The following ATRN variants were observed in gnomAD, a reference collection of about 807,000 sequenced individuals.
ATRN encodes attractin-2.
A neutral mutation model predicts 178.7 loss-of-function variants in ATRN; 54 were observed. The observed-to-expected ratio is 0.30, with a 90% CI of 0.24 to 0.38. The LOEUF is 0.38. Among genes scored for constraint, ATRN ranks in the 10% least tolerant of loss-of-function variants. ATRN has a pLI of 1.00. For synonymous variants in ATRN, 636 were observed against 663.0 expected (o/e 0.96, Z 0.63); for missense variants, 1,443 against 1,815.1 (o/e 0.79, Z 3.73).
chr20:3,601,182 C>T (rs1156525987), intron 23 of ATRN, among the ~76,000 whole-genome samples, 158 bp downstream of exon 23: 1 of 152,192 alleles, frequency 6.6e-6, no homozygotes, highest in Non-Finnish European at 1.5e-5. Flanking sequence ...CTAAATCCCT[C>T]TCTAAACCTT....
chr20:3,629,034 A>G, intron 25 of ATRN: 2 of 985,172 alleles, frequency 2.0e-6, no homozygotes, highest in Non-Finnish European at 2.4e-6. Context: ...AACTGGCAAC[A>G]TGGCTCTGCT....
At chr20:3,492,875 GCACACA>G (rs376260361) in intron 1 of ATRN, among the ~76,000 whole-genome samples, 2,720 of 106,766 alleles carry the variant, frequency 0.025, 97 homozygotes, top group African/African-American at 0.091. Flanking sequence ...GCGTGCGCAC[GCACACA>G]CACACACACA....
Position 3,482,073 on chromosome 20 carries a change from A to G in ATRN, c.410+10556A>G, listed in dbSNP as rs573720377. Among the ~76,000 whole-genome samples the G allele has an allele frequency of 1.3e-4, 20 of 151,984 alleles. No individual in the cohort carries two copies. In the East Asian group the frequency reaches 3.5e-3, roughly 26 times the overall value. On this transcript the variant is annotated intron_variant, in intron 1 of 28. Transcript: ENST00000262919. ...ACTCCCGTAGGAATTAAAAAATAAT[A>G]ATCTTTTAAAAAATGTATCCTGTTT...
intron 21 of ATRN, among the ~76,000 whole-genome samples, chr20:3,597,361 A>G (rs1222481462): frequency 1.3e-5 from 2 of 152,152 alleles, no homozygotes; most frequent in East Asian, 3.9e-4. Flanking sequence ...AAGATTTGAA[A>G]AGACATTTCA....
chr20:3,475,470 T>G (rs908908811), intron 1 of ATRN, among the ~76,000 whole-genome samples: 1 of 152,218 alleles, frequency 6.6e-6, no homozygotes, highest in Non-Finnish European at 1.5e-5. Context: ...AAATGACTGA[T>G]TTTAAAGGAT....
rs1049111819 is a variant in ATRN at position 3,498,450 on chromosome 20, C to T, written c.410+26933C>T. On this transcript the variant is annotated intron_variant, in intron 1 of 28. Transcript: ENST00000262919. ...AATCCTCAATAAAATACTGGCAAAG[C>T]GAATCCAGCAGCACATCAAAAAGCT... Among the ~76,000 whole-genome samples the T allele has an allele frequency of 4.6e-5, 7 of 151,862 alleles. No individual in the cohort carries two copies. In the East Asian group the frequency reaches 5.8e-4, roughly 13 times the overall value.
chr20:3,495,681 T>C (rs2084868386), intron 1 of ATRN, among the ~76,000 whole-genome samples: 2 of 152,120 alleles, frequency 1.3e-5, no homozygotes, highest in South Asian at 4.2e-4. Flanking sequence ...AAAATATGAC[T>C]TGTTCACAGA....
At chr20:3,494,667 AAAAG>A (rs1346984640) in intron 1 of ATRN, among the ~76,000 whole-genome samples, 2 of 152,194 alleles carry the variant, frequency 1.3e-5, no homozygotes, top group Admixed American at 6.5e-5. Flanking sequence ...AAGAAAGCAT[AAAAG>A]AAGGGGATTT....
intron 19 of ATRN, 79 bp downstream of exon 19, chr20:3,591,385 G>A: frequency 2.7e-6 from 4 of 1,480,102 alleles, no homozygotes; most frequent in South Asian, 1.3e-5. Flanking sequence ...ATATCTAGGA[G>A]GAAAAAAGCC....
chr20:3,512,174 G>A (rs1325293620), intron 1 of ATRN, among the ~76,000 whole-genome samples: 8 of 145,416 alleles, frequency 5.5e-5, no homozygotes, highest in South Asian at 2.2e-4. Context: ...TGTTACATAC[G>A]TATACATGTG....
In ATRN at chr20:3,584,050, T is replaced by C. The variant is rs1261114295; in HGVS notation, c.2917T>C (p.Cys973Arg). 1 of 1,614,070 alleles carries C rather than the reference T, an allele frequency of 6.2e-7. No individual in the cohort carries two copies. Among genetic ancestry groups the C allele is most frequent in the African/African-American group, 1.3e-5 (1 of 75,016 alleles). The change falls in exon 17 of 29, where the codon TGT (cysteine) becomes CGT (arginine). Residue 973 changes from cysteine to arginine, a missense_variant. Cys to Arg is a radical substitution (Grantham distance 180). Coordinates refer to ENST00000262919, the MANE Select transcript of ATRN (RefSeq NM_139321.3). ...CGTGGCCTCCTTCCCTTTTGGCCAG[T>C]GTATGGAATGGTATACGATGAGCAC... ...AYVASFPFGQ[C>R]MEWYTMSTCP...
At chr20:3,644,314 G>A (rs770182628) in intron 28 of ATRN, 46 bp downstream of exon 28, 7 of 1,485,590 alleles carry the variant, frequency 4.7e-6, no homozygotes, top group Non-Finnish European at 4.7e-6. Context: ...AGCATGTGAG[G>A]GAGCTAAGCA....
chr20:3,493,384 T>C (rs1049585588), intron 1 of ATRN, among the ~76,000 whole-genome samples: 1 of 151,536 alleles, frequency 6.6e-6, no homozygotes, highest in African/African-American at 2.4e-5. Context: ...AGTTTTGAAC[T>C]ACTAGCCTCA....
At chr20:3,500,244 A>G (rs1324591655) in intron 1 of ATRN, among the ~76,000 whole-genome samples, 1 of 152,190 alleles carries the variant, frequency 6.6e-6, no homozygotes, top group Non-Finnish European at 1.5e-5. Context: ...TGGGACTGTA[A>G]ACTAGTTCAA....
chr20:3,557,004 C>A (rs2085886128), intron 6 of ATRN, among the ~76,000 whole-genome samples: 1 of 152,284 alleles, frequency 6.6e-6, no homozygotes, highest in South Asian at 2.1e-4. Flanking sequence ...CTGTTTCTGT[C>A]CTTCCTCTGT....
At chr20:3,616,044 TAAAAAAAAA>T (rs5840003) in intron 24 of ATRN, 2 of 148,966 alleles carry the variant, frequency 1.3e-5, no homozygotes, top group Non-Finnish European at 2.9e-5. Flanking sequence ...AAAGTATAAT[TAAAAAAAAA>T]AAAAAGAAAA....
rs2086999563 is a variant in ATRN, at chr20:3,632,941, C to G, written c.3864-1370C>G. ...GGTTAGGAGTTTGAGACCAGACTGG[C>G]CAACGTGGTGAAACCTCGTCTCCAC... On this transcript the variant is annotated intron_variant, in intron 25 of 28. Transcript: ENST00000262919. This position sits in a 1 kb window ranked among gnomAD's most constrained non-coding sequence, Gnocchi z 4.2. Among the ~76,000 whole-genome samples, 1 of 152,146 alleles carries G rather than the reference C, an allele frequency of 6.6e-6. No individual in the cohort carries two copies. The highest frequency in any genetic ancestry group is 6.5e-5 in the Admixed American group (1 of 15,288).
chr20:3,508,236 A>G (rs1015519746), intron 1 of ATRN, among the ~76,000 whole-genome samples: 14 of 152,094 alleles, frequency 9.2e-5, no homozygotes, highest in Non-Finnish European at 7.4e-5. Context: ...ACAAGACTGA[A>G]AACTACCTTC....
intron 11 of ATRN, among the ~76,000 whole-genome samples, chr20:3,566,213 G>A (rs367915891): frequency 2.4e-4 from 36 of 152,260 alleles, no homozygotes; most frequent in Admixed American, 4.6e-4. Context: ...GTTTAATATA[G>A]CTCAAGTCTG....
Sources: gnomAD v4.1 joint callset for allele counts (sites outside exome capture counted in the v4.1 genomes callset) on GRCh38, gnomAD v4.1.1 for gene constraint, Gnocchi (gnomAD v3.1) non-coding constraint, MANE v1.5 for transcripts, NCBI Gene and HGNC (gene_info 2026-07-23, HGNC 2026-07-21) for gene names.